Variants in KANSL3 observed in about 807,000 individuals in gnomAD.
The protein encoded by KANSL3 is NSL complex protein NSL3.
In KANSL3, 16 loss-of-function variants were observed where a neutral mutation model predicts 89.2. The ratio of observed to expected loss-of-function variants is 0.18; its 90% confidence interval spans 0.12 to 0.27. The LOEUF is 0.27. Among genes scored for constraint, KANSL3 ranks in the 10% least tolerant of loss-of-function variants. The pLI is 1.00. For missense variants in KANSL3, 879 were observed against 1,110.6 expected (o/e 0.79, Z 2.96); for synonymous variants, 385 against 419.7 (o/e 0.92, Z 1.01).
rs1458657515 is a variant in KANSL3 at position 96,602,791 on chromosome 2, C to T, written c.2221G>A (p.Gly741Ser). The stretch of plus-strand genomic sequence containing the variant: ...CCTGGGGAGGGATTTGCTGGAAGGC[C>T]AGAGGTCTTGCTGCTGATATCCTGC... ...SLQDISSKTS[G>S]LPANPSPGPA... Residue 741 changes from glycine (G) to serine (S), a missense_variant, in exon 18 of 21, where the codon GGC becomes AGC. By Grantham distance (56) the Gly-to-Ser change is moderately conservative. This residue lies in a region of KANSL3 where 89 missense variants were observed against 139.7 expected (regional missense o/e 0.64). Coordinates refer to ENST00000431828, the MANE Select transcript of KANSL3 (RefSeq NM_001115016.3). 1 of 1,610,112 alleles carries T rather than the reference C, an allele frequency of 6.2e-7. No homozygotes were observed. The highest frequency in any genetic ancestry group is 1.3e-5 in the African/African-American group (1 of 74,828).
the KANSL3 span, among the ~76,000 whole-genome samples, chr2:96,581,771 G>C: frequency 2.0e-5 from 3 of 152,136 alleles, no homozygotes; most frequent in Middle Eastern, 0.01. Context: ...TAAATGTTTT[G>C]TTTTGAGGAT....
At chr2:96,626,721 A>G (rs1558763520) in intron 3 of KANSL3, among the ~76,000 whole-genome samples, 1 of 152,236 alleles carries the variant, frequency 6.6e-6, no homozygotes, top group Non-Finnish European at 1.5e-5. Flanking sequence ...AAGCTGGCCC[A>G]ACATCTTCAG....
chr2:96,622,344 T>C (rs938297554), intron 3 of KANSL3, among the ~76,000 whole-genome samples: 3 of 150,772 alleles, frequency 2.0e-5, no homozygotes, highest in African/African-American at 4.9e-5. Context: ...ATGGCTTGAG[T>C]CTAGGATATC....
downstream of KANSL3, among the ~76,000 whole-genome samples, chr2:96,590,390 TCAAG>T (rs1237634882): frequency 1.3e-5 from 2 of 151,840 alleles, no homozygotes; most frequent in African/African-American, 4.8e-5. Flanking sequence ...CCTCCCAGGC[TCAAG>T]CAATCCTTCC....
chr2:96,618,050 T>C (rs2070527412), intron 5 of KANSL3, among the ~76,000 whole-genome samples: 2 of 151,376 alleles, frequency 1.3e-5, no homozygotes, highest in Admixed American at 1.3e-4. Context: ...TCCCAGTACT[T>C]GGGAGGCTGA....
intron 1 of KANSL3, among the ~76,000 whole-genome samples, chr2:96,637,476 GTA>G (rs1281224922): frequency 1.3e-5 from 2 of 152,248 alleles, no homozygotes; most frequent in African/African-American, 2.4e-5. Flanking sequence ...TGGACAGACA[GTA>G]AACTTGCTTG....
intron 3 of KANSL3, among the ~76,000 whole-genome samples, chr2:96,627,342 G>A (rs1183959272): frequency 6.6e-6 from 1 of 151,988 alleles, no homozygotes; most frequent in Non-Finnish European, 1.5e-5. Flanking sequence ...AGCCTCCCGA[G>A]TAGCTGAGAT....
At chr2:96,593,038 A>C (rs1031972974), downstream of KANSL3, 1 of 276,972 alleles carries the variant, frequency 3.6e-6, no homozygotes, top group African/African-American at 2.2e-5. Flanking sequence ...ACCCCCTCAT[A>C]CCACCTGGCA....
chr2:96,631,504 G>A (rs1420847065), intron 2 of KANSL3, 22 bp from the exon 3 acceptor site: 1 of 1,554,408 alleles, frequency 6.4e-7, no homozygotes, highest in Non-Finnish European at 8.7e-7. Flanking sequence ...TGAGGAAATA[G>A]GACCGGGCCA....
At chr2:96,601,974 G>T in intron 19 of KANSL3, 142 bp downstream of exon 19, 1 of 1,162,474 alleles carries the variant, frequency 8.6e-7, no homozygotes, top group Non-Finnish European at 1.2e-6. Context: ...TGGGGGATGG[G>T]TCCACACAGC....
intron 20 of KANSL3, among the ~76,000 whole-genome samples, chr2:96,600,227 A>T (rs551921546): frequency 4.8e-4 from 73 of 152,340 alleles, no homozygotes; most frequent in African/African-American, 1.7e-3. Flanking sequence ...GTACAAAATA[A>T]ATAAAATAAC....
intron 4 of KANSL3, 43 bp downstream of exon 4, chr2:96,619,629 G>T: frequency 6.3e-7 from 1 of 1,594,926 alleles, no homozygotes; most frequent in African/African-American, 1.3e-5. Flanking sequence ...AGTGAGGCCT[G>T]AACTACGAAG....
In KANSL3 at chr2:96,608,988, T is replaced by G. The variant is rs770919790; in HGVS notation, c.1460A>C (p.Asp487Ala). Residue 487 changes from aspartate (D) to alanine (A), a missense_variant, in exon 13 of 21, where the codon GAT becomes GCT. Coordinates refer to ENST00000431828, the MANE Select transcript of KANSL3 (RefSeq NM_001115016.3). ...GHMGSEPRDQDAEKKKKPRDV... is the reference protein window; with the variant it reads ...GHMGSEPRDQAAEKKKKPRDV... The stretch of plus-strand genomic sequence containing the variant: ...GCGGGGCTTCTTCTTCTTCTCAGCA[T>G]CCTGATCCCGAGGTTCAGAGCCCAT... 7.7e-6 allele frequency: 12 copies of G among 1,563,606 alleles called. No homozygotes were observed. The highest frequency in any genetic ancestry group is 1.0e-5 in the Non-Finnish European group (12 of 1,153,684).
intron 2 of KANSL3, among the ~76,000 whole-genome samples, chr2:96,633,356 G>A (rs1445287885): frequency 6.6e-6 from 1 of 152,072 alleles, no homozygotes; most frequent in Non-Finnish European, 1.5e-5. Context: ...GATCACCTTA[G>A]GTCACGAGTT....
At position 96,610,893 on chromosome 2, in the gene KANSL3, G is replaced by T. The variant is rs764259993; in HGVS notation, c.1162-10C>A. The T allele has an allele frequency of 3.1e-6, 5 of 1,611,596 alleles. No homozygotes were observed. The South Asian group carries it at 5.5e-5, about 18-fold the overall frequency. The stretch of plus-strand genomic sequence containing the variant: ...GGGGATCATCTACATCCTAAAACAG[G>T]TATAGGTTTTAGAATCGGCTTCTTC... On this transcript the variant is annotated splice_polypyrimidine_tract_variant and intron_variant, in intron 10 of 20. Coordinates refer to ENST00000431828, the MANE Select transcript of KANSL3 (RefSeq NM_001115016.3).
intron 3 of KANSL3, among the ~76,000 whole-genome samples, chr2:96,624,710 C>T (rs2071976984): frequency 1.3e-5 from 2 of 152,016 alleles, no homozygotes; most frequent in South Asian, 2.1e-4. Flanking sequence ...TTAGTAGAGG[C>T]GAGGTTTCAC....
chr2:96,632,951 G>A (rs2073664225), intron 2 of KANSL3, among the ~76,000 whole-genome samples: 1 of 145,838 alleles, frequency 6.9e-6, no homozygotes, highest in Non-Finnish European at 1.5e-5. Context: ...GGGAGACAGA[G>A]CGAGACTCCA....
intron 14 of KANSL3, chr2:96,605,828 C>A (rs1163849564): frequency 5.2e-6 from 1 of 191,770 alleles, no homozygotes; most frequent in Non-Finnish European, 1.1e-5. Flanking sequence ...CCCTGCCTAG[C>A]CAAGGCCAAT....
chr2:96,595,041 G>A lies in KANSL3; in HGVS notation c.*570C>T, dbSNP rs566526419. 1 of 152,666 alleles carries A rather than the reference G, an allele frequency of 6.6e-6. No homozygotes were observed. Among genetic ancestry groups the A allele is most frequent in the Admixed American group, 6.5e-5 (1 of 15,330 alleles). 9.5% of individuals were successfully genotyped at this position (152,666 alleles called of 1,614,324 possible). The stretch of plus-strand genomic sequence containing the variant: ...AGCAAGCTACTCAGTATCTGACGTG[G>A]TTTCTAAGGTGGAGTTGCATGGGGA... On this transcript the variant is annotated 3_prime_UTR_variant, in exon 21 of 21. Coordinates refer to ENST00000431828, the MANE Select transcript of KANSL3 (RefSeq NM_001115016.3).
Sources: allele counts gnomAD v4.1 joint callset (sites outside exome capture counted in the v4.1 genomes callset), GRCh38; gene constraint gnomAD v4.1.1; regional missense constraint gnomAD v4.1.1; transcripts MANE v1.5; gene names NCBI Gene and HGNC (gene_info 2026-07-23, HGNC 2026-07-21).